RARB: variants seen among roughly 807,000 people sequenced by gnomAD.
RARB encodes retinoic acid receptor beta.
RARB carries 17 observed loss-of-function variants against 51.9 expected under a neutral mutation model. That is an observed-to-expected ratio of 0.33 (90% confidence interval 0.22 to 0.49). The LOEUF (loss-of-function observed/expected upper bound fraction) is 0.49. Ranked by LOEUF, RARB falls within the 20% of genes least tolerant of loss-of-function variation. The pLI is 0.99. For missense variants in RARB, 369 were observed against 550.8 expected (o/e 0.67, Z 3.30); for synonymous variants, 215 against 195.4 (o/e 1.10, Z -0.84).
At chr3:25,582,387 C>G (rs534289690) in intron 5 of RARB, among the ~76,000 whole-genome samples, 4 of 152,062 alleles carry the variant, frequency 2.6e-5, no homozygotes, top group African/African-American at 9.7e-5. Flanking sequence ...GCAAGCAATG[C>G]TGTGTCATTC....
chr3:25,569,905 G>A lies in RARB; in HGVS notation c.596G>A (p.Gly199Asp). The part of the protein sequence containing the change: ...QETFPSLCQL[G>D]KYTTNSSADH... ...ACTTTCCCTTCACTCTGCCAGCTGG[G>A]TAAATACACCACGGTAAGAGATACT... Residue 199 changes from glycine to aspartate, a missense_variant, in exon 4 of 8, where the codon GGT (glycine) becomes GAT (aspartate). Coordinates refer to ENST00000330688, the MANE Select transcript of RARB (RefSeq NM_000965.5). 6.2e-7 allele frequency: 1 copy of A among 1,614,008 alleles called. No homozygotes were observed. The highest frequency in any genetic ancestry group is 8.5e-7 in the Non-Finnish European group (1 of 1,179,942).
At chr3:25,156,516 CAAAAAAAAAAAAAAAAAA>C (rs35710364) in intron 4 of RARB, among the ~76,000 whole-genome samples, 12,149 of 57,826 alleles carry the variant, frequency 0.21, 893 homozygotes, top group South Asian at 0.3. Flanking sequence ...GCCCCAACTG[CAAAAAAAAAAAAAAAAAA>C]AAAAAAAAAA....
At chr3:24,933,022 G>A (rs1695473562) in intron 2 of RARB, among the ~76,000 whole-genome samples, 2 of 152,036 alleles carry the variant, frequency 1.3e-5, no homozygotes, top group Admixed American at 1.3e-4. Context: ...TAAATAAAAT[G>A]TAACCCAGAT....
intron 5 of RARB, among the ~76,000 whole-genome samples, chr3:25,581,434 C>T (rs1036106559): frequency 6.6e-6 from 1 of 152,136 alleles, no homozygotes; most frequent in African/African-American, 2.4e-5. Context: ...GAAGCCCCCA[C>T]CAGGGAAAGA....
intron 5 of RARB, among the ~76,000 whole-genome samples, chr3:25,279,295 C>T (rs1431289844): frequency 6.6e-6 from 1 of 152,222 alleles, no homozygotes; most frequent in African/African-American, 2.4e-5. Context: ...ACTTCCCCCA[C>T]TGCATCATAA....
At chr3:25,527,530 CT>C (rs1698706010) in intron 3 of RARB, among the ~76,000 whole-genome samples, 1 of 152,150 alleles carries the variant, frequency 6.6e-6, no homozygotes, top group African/African-American at 2.4e-5. Flanking sequence ...TGTCTGTGAA[CT>C]GGAGTTTCCT....
At position 25,266,872 on chromosome 3, in the gene RARB, A is replaced by G. The variant is rs1017409653; in HGVS notation, c.178+92297A>G. Among the ~76,000 whole-genome samples the G allele has an allele frequency of 6.6e-5, 10 of 152,310 alleles. 1 individual carries two copies. Among genetic ancestry groups the G allele is most frequent in the Admixed American group, 2.6e-4 (4 of 15,298 alleles). On this transcript the variant is annotated intron_variant, in intron 5 of 11. Coordinates refer to the RARB transcript ENST00000383772. ...CAGAATCTGACCATGCTGGTCTCCG[A>G]TTGCAGAATTCTAGCCTCCTGAAAA... is the stretch of plus-strand genomic sequence containing the variant.
intron 5 of RARB, among the ~76,000 whole-genome samples, chr3:25,214,702 G>A (rs1336048022): frequency 6.6e-6 from 1 of 152,182 alleles, no homozygotes; most frequent in Non-Finnish European, 1.5e-5. Flanking sequence ...TAAGATGAAA[G>A]TGTCCTGTTC....
At chr3:25,165,880 A>AT (rs1191484592) in intron 4 of RARB, among the ~76,000 whole-genome samples, 2 of 151,990 alleles carry the variant, frequency 1.3e-5, no homozygotes, top group African/African-American at 4.8e-5. Context: ...TCTGCCTATT[A>AT]TTTTTTCTGA....
chr3:24,948,532 G>T (rs935358191), intron 2 of RARB, among the ~76,000 whole-genome samples: 4 of 152,202 alleles, frequency 2.6e-5, no homozygotes, highest in Non-Finnish European at 1.5e-5. Flanking sequence ...GACAATTGAA[G>T]AGGTAAAAAT....
At position 25,299,070 on chromosome 3, in the gene RARB, G is replaced by A. The variant is rs1396535943; in HGVS notation, c.178+124495G>A. The stretch of plus-strand genomic sequence containing the variant: ...GCATTAAGGTGACTTGTTCTTACAA[G>A]GTCAGTGTATTAGCCCAGGTTTACA... On this transcript the variant is annotated intron_variant, in intron 5 of 11. Coordinates refer to the RARB transcript ENST00000383772. Among the ~76,000 whole-genome samples, 5 of 152,162 alleles carry A rather than the reference G, an allele frequency of 3.3e-5. No homozygotes were observed. In the East Asian group the frequency reaches 7.7e-4, roughly 23 times the overall value.
intron 5 of RARB, among the ~76,000 whole-genome samples, chr3:25,319,578 G>A (rs767773013): frequency 1.3e-5 from 2 of 152,114 alleles, no homozygotes; most frequent in Non-Finnish European, 2.9e-5. Flanking sequence ...AAAAACCCAC[G>A]AATGAGGGTC....
At chr3:25,303,407 A>G (rs1335857693) in intron 5 of RARB, among the ~76,000 whole-genome samples, 4 of 152,232 alleles carry the variant, frequency 2.6e-5, no homozygotes, top group Non-Finnish European at 4.4e-5. Context: ...GCTAGAACAT[A>G]ATATTTGACA....
intron 5 of RARB, among the ~76,000 whole-genome samples, chr3:25,299,961 C>T (rs191947814): frequency 3.3e-5 from 5 of 152,336 alleles, no homozygotes; most frequent in African/African-American, 1.2e-4. Context: ...AGTATAATTA[C>T]AACTGTGCAT....
intron 2 of RARB, among the ~76,000 whole-genome samples, chr3:24,880,773 T>C (rs572324179): frequency 1.3e-5 from 2 of 152,380 alleles, no homozygotes; most frequent in Admixed American, 1.3e-4. Context: ...TTGCAAAATG[T>C]AATGCTACTC....
intron 2 of RARB, among the ~76,000 whole-genome samples, chr3:25,488,866 A>G (rs140220432): frequency 8.9e-4 from 135 of 152,308 alleles, no homozygotes; most frequent in African/African-American, 3.2e-3. Context: ...TTAATTGAAA[A>G]CTGGAGAACA....
intron 2 of RARB, among the ~76,000 whole-genome samples, chr3:24,918,722 C>G (rs1559395933): frequency 6.6e-6 from 1 of 152,068 alleles, no homozygotes; most frequent in African/African-American, 2.4e-5. Context: ...GAAACCCTGT[C>G]TCTACTAAAA....
chr3:25,578,550 G>A (rs777557521), intron 4 of RARB, among the ~76,000 whole-genome samples: 4 of 152,092 alleles, frequency 2.6e-5, no homozygotes, highest in African/African-American at 9.7e-5. Context: ...CCTCTCTTCC[G>A]TGTCATCTTC....
chr3:25,141,772 T>C (rs978287872), intron 4 of RARB, among the ~76,000 whole-genome samples: 1 of 152,306 alleles, frequency 6.6e-6, no homozygotes, highest in East Asian at 1.9e-4. Context: ...GAAGTATAAA[T>C]CAGTTTGGTA....
Sources: gnomAD v4.1 joint callset for allele counts (sites outside exome capture counted in the v4.1 genomes callset) on GRCh38, gnomAD v4.1.1 for gene constraint, MANE v1.5 for transcripts, NCBI Gene and HGNC (gene_info 2026-07-23, HGNC 2026-07-21) for gene names.